ZNF541: variants seen among roughly 807,000 people sequenced by gnomAD.
The protein encoded by ZNF541 is zinc finger protein 541.
In ZNF541, 23 loss-of-function variants were observed where a neutral mutation model predicts 123.5. The observed-to-expected ratio is 0.19, with a 90% confidence interval of 0.13 to 0.26. The LOEUF is 0.26. ZNF541 is among the 10% of genes least tolerant of loss of function. The pLI, the probability that ZNF541 is intolerant of heterozygous loss-of-function variation, is 1.00. For missense variants in ZNF541, 1,612 were observed against 1,789.9 expected (o/e 0.90, Z 1.79); for synonymous variants, 751 against 754.5 (o/e 1.00, Z 0.08).
intron 7 of ZNF541, 116 bp from the exon 8 acceptor site, chr19:47,539,994 C>G: frequency 6.9e-7 from 1 of 1,459,290 alleles, no homozygotes; most frequent in Non-Finnish European, 9.1e-7. Context: ...TGGCATGGAC[C>G]AAGCTGGAGA....
In ZNF541 at chr19:47,545,830, T is replaced by C; in HGVS notation, c.699A>G (p.Glu233=). ...LCILKEAPPE[E]EACGDSPHAH... is the part of the protein sequence containing the mutation. ...CGTGGGGGGAGTCCCCGCAGGCCTC[T>C]TCCTCCGGGGGGGCTTCCTTCAGGA... The change falls in exon 5 of 17, where the codon GAA becomes GAG. Residue 233 remains glutamate (E), a synonymous_variant. Coordinates refer to ENST00000391901, the MANE Select transcript of ZNF541 (RefSeq NM_001277075.3). This position sits in a 1 kb window ranked among gnomAD's most constrained non-coding sequence, Gnocchi z 7.5. 2 of 1,548,430 alleles carry C rather than the reference T, an allele frequency of 1.3e-6. No individual in the cohort carries two copies. Among genetic ancestry groups the C allele is most frequent in the Non-Finnish European group, 1.7e-6 (2 of 1,146,000 alleles).
chr19:47,545,843 G>T lies in ZNF541; in HGVS notation c.686C>A (p.Ala229Asp). Reference protein sequence around the residue: ...VHHGLCILKEAPPEEEACGDS... With the variant: ...VHHGLCILKEDPPEEEACGDS... Reference sequence around the variant, plus strand: ...CCCGCAGGCCTCTTCCTCCGGGGGGGCTTCCTTCAGGATGCACAGGCCGTG... The same window carrying T: ...CCCGCAGGCCTCTTCCTCCGGGGGGTCTTCCTTCAGGATGCACAGGCCGTG... The change falls in exon 5 of 17, where the codon GCC (alanine) becomes GAC (aspartate). Residue 229 changes from alanine to aspartate, a missense_variant. Ala to Asp is a moderately radical substitution (Grantham distance 126). Around this residue, in one of 5 missense-constraint regions of ZNF541, gnomAD observed 1,080 missense variants for 1,013.8 expected, o/e 1.07. Coordinates refer to ENST00000391901, the MANE Select transcript of ZNF541 (RefSeq NM_001277075.3). The surrounding 1 kb of genome is among the most constrained non-coding windows in gnomAD (Gnocchi z 7.5). 6.5e-7 allele frequency: 1 copy of T among 1,549,242 alleles called. No homozygotes were observed. Among genetic ancestry groups the T allele is most frequent in the Non-Finnish European group, 8.7e-7 (1 of 1,146,316 alleles).
At chr19:47,533,696 G>A (rs1969688132) in intron 9 of ZNF541, among the ~76,000 whole-genome samples, 1 of 151,874 alleles carries the variant, frequency 6.6e-6, no homozygotes, top group Non-Finnish European at 1.5e-5. Flanking sequence ...TACAAAAATT[G>A]GCTGGGCGTG....
At position 47,532,265 on chromosome 19, in the gene ZNF541, A is replaced by G; in HGVS notation, c.3164T>C (p.Ile1055Thr). 1 of 1,551,904 alleles carries G rather than the reference A, an allele frequency of 6.4e-7. No individual in the cohort carries two copies. Among genetic ancestry groups the G allele is most frequent in the Non-Finnish European group, 8.7e-7 (1 of 1,147,060 alleles). ...TGCCTGAAACCGGCTTCCTATATTG[A>G]TATGTCTGAAATGAGGCCACACACA... Reference protein sequence around the residue: ...DDTKISIEPHINIGSRFQAEI... With the variant: ...DDTKISIEPHTNIGSRFQAEI... Residue 1055 changes from isoleucine to threonine, a missense_variant, in exon 11 of 17, where the codon ATC becomes ACC. Around this residue, in one of 5 missense-constraint regions of ZNF541, gnomAD observed 285 missense variants for 407.3 expected, o/e 0.70. Coordinates refer to ENST00000391901, the MANE Select transcript of ZNF541 (RefSeq NM_001277075.3).
intron 9 of ZNF541, among the ~76,000 whole-genome samples, chr19:47,537,598 C>T (rs1356286700): frequency 6.9e-6 from 1 of 144,150 alleles, no homozygotes; most frequent in Non-Finnish European, 1.5e-5. Flanking sequence ...ATGACACAGA[C>T]TGGACAGGGT....
At chr19:47,547,635 G>A (rs1476519044) in intron 4 of ZNF541, among the ~76,000 whole-genome samples, 1 of 152,124 alleles carries the variant, frequency 6.6e-6, no homozygotes. Flanking sequence ...GTGTGGGTGA[G>A]AGGATAAGAT....
chr19:47,545,197 G>A lies in ZNF541; in HGVS notation c.1332C>T (p.Gly444=). 6.6e-7 allele frequency: 1 copy of A among 1,522,704 alleles called. No individual in the cohort carries two copies. The highest frequency in any genetic ancestry group is 8.8e-7 in the Non-Finnish European group (1 of 1,133,326). The allele number at this position is 1,522,704 out of a possible 1,614,324, so 94.3% of individuals were successfully genotyped here. A position where few individuals can be genotyped will look rare whatever the true frequency, so the allele number is the denominator to read the frequency against. The change falls in exon 5 of 17, where the codon GGC becomes GGT. Residue 444 remains glycine (G), a synonymous_variant. Coordinates refer to ENST00000391901, the MANE Select transcript of ZNF541 (RefSeq NM_001277075.3). The surrounding 1 kb of genome is among the most constrained non-coding windows in gnomAD (Gnocchi z 7.5). ...TGCTGGGTCCCGGGCCAGACTCGGA[G>A]CCCTCCCGCGAGGGCACGGCCGAGG... ...HKPSAVPSRE[G]SESGPGPSSG... is the part of the protein sequence containing the mutation.
Position 47,544,687 on chromosome 19 carries a change from G to A in ZNF541, c.1842C>T (p.Gly614=), listed in dbSNP as rs1970241388. 8 of 1,525,004 alleles carry A rather than the reference G, an allele frequency of 5.2e-6. No individual in the cohort carries two copies. The East Asian group carries it at 1.5e-4, about 28-fold the overall frequency. 94.5% of individuals were successfully genotyped at this position (1,525,004 alleles called of 1,614,324 possible). A position where few individuals can be genotyped will look rare whatever the true frequency, so the allele number is the denominator to read the frequency against. Residue 614 remains glycine, a synonymous_variant, in exon 5 of 17, where the codon GGC becomes GGT. Transcript: ENST00000391901. ...AGCCCTCTGCCTCGGGGTTTCCAGG[G>A]CCGGCGTGGAGAGAGTCCACAGCAG... ...LAPAVDSLHA[G]PGNPEAEGSP...
rs750567417 is a variant in ZNF541, at chr19:47,522,013, C to A, written c.3571-19G>T. ...TCTGGATCTAGTGAAAGAAAACAAG[C>A]AGGCTGTGGCTGTGCCACGCGGGCC... On this transcript the variant is annotated intron_variant, in intron 14 of 16. Transcript: ENST00000391901. The A allele has an allele frequency of 9.5e-5, 148 of 1,550,184 alleles. No homozygotes were observed. The highest frequency in any genetic ancestry group is 1.6e-4 in the Admixed American group (8 of 50,742).
chr19:47,543,324 A>C (rs1485546144), intron 5 of ZNF541, among the ~76,000 whole-genome samples: 1 of 151,840 alleles, frequency 6.6e-6, no homozygotes, highest in African/African-American at 2.4e-5. Context: ...TTGGACATGG[A>C]GTCAGGAGAC....
In ZNF541 at chr19:47,540,352, G is replaced by C. The variant is rs530538470; in HGVS notation, c.2463-17C>G. 6.5e-7 allele frequency: 1 copy of C among 1,545,438 alleles called. No homozygotes were observed. Among genetic ancestry groups the C allele is most frequent in the Non-Finnish European group, 8.7e-7 (1 of 1,143,366 alleles). The stretch of plus-strand genomic sequence containing the variant: ...TGCTGGTTACTGTGGGACATGGCAG[G>C]AAAGAAGAGTGGGAGATTAGGACTC... On this transcript the variant is annotated splice_polypyrimidine_tract_variant and intron_variant, in intron 6 of 16. Transcript: ENST00000391901.
intron 14 of ZNF541, among the ~76,000 whole-genome samples, chr19:47,522,658 T>C (rs1412442129): frequency 6.6e-6 from 1 of 151,662 alleles, no homozygotes; most frequent in African/African-American, 2.4e-5. Context: ...TAGCCAGTCA[T>C]GGTGGTGCAT....
At chr19:47,552,742 CAAAAAAAAAAAAA>C (rs573248609) in intron 3 of ZNF541, among the ~76,000 whole-genome samples, 3,985 of 26,218 alleles carry the variant, frequency 0.15, 342 homozygotes, top group African/African-American at 0.39. Context: ...GACTCCATCT[CAAAAAAAAAAAAA>C]AAAAAAAAAA....
In ZNF541 at chr19:47,545,266, G is replaced by T; in HGVS notation, c.1263C>A (p.Gly421=). The T allele has an allele frequency of 6.5e-7, 1 of 1,549,154 alleles. No individual in the cohort carries two copies. The highest frequency in any genetic ancestry group is 8.7e-7 in the Non-Finnish European group (1 of 1,146,742). The stretch of plus-strand genomic sequence containing the variant: ...CGTTGTTGCCTTTGCTTTTGGGACA[G>T]CCCGGCAGGTTCCGGAGCCACTGGA... ...HSFQWLRNLP[G]CPKSKGNNVF... is the part of the protein sequence containing the mutation. Residue 421 remains glycine, a synonymous_variant, in exon 5 of 17, where the codon GGC becomes GGA. Coordinates refer to ENST00000391901, the MANE Select transcript of ZNF541 (RefSeq NM_001277075.3). This position sits in a 1 kb window ranked among gnomAD's most constrained non-coding sequence, Gnocchi z 7.5.
Position 47,527,338 on chromosome 19 carries a change from AT to A in ZNF541, c.3570+1611del, listed in dbSNP as rs964189175. Among the ~76,000 whole-genome samples, 1,203 of 149,686 alleles carry A rather than the reference AT, an allele frequency of 8.0e-3. 11 individuals are homozygous for A. Among genetic ancestry groups the A allele is most frequent in the African/African-American group, 0.028 (1,137 of 40,968 alleles). On this transcript the variant is annotated intron_variant, in intron 14 of 16. Transcript: ENST00000391901. ...TTATGTGCAATTTTGTATACATCCA[AT>A]TTTTTTTTTAGAACAGAAAATAAGC...
At chr19:47,560,576 CAAAAA>C (rs77981071) in intron 2 of ZNF541, among the ~76,000 whole-genome samples, 1 of 53,792 alleles carries the variant, frequency 1.9e-5, no homozygotes, top group African/African-American at 6.4e-5. Flanking sequence ...AACTCTGTCC[CAAAAA>C]AAAAAAAAAA....
chr19:47,540,879 G>C lies in ZNF541; in HGVS notation c.2462+14C>G. ...TGCCAGGGTGCATGCAGGATCGGGG[G>C]CTTCTTAACTTACCCTCTGCCTGCC... On this transcript the variant is annotated intron_variant, in intron 6 of 16. Transcript: ENST00000391901. 5 of 1,550,940 alleles carry C rather than the reference G, an allele frequency of 3.2e-6. No individual in the cohort carries two copies. Among genetic ancestry groups the C allele is most frequent in the Non-Finnish European group, 4.4e-6 (5 of 1,146,708 alleles).
At chr19:47,524,368 G>A (rs1015183088) in intron 14 of ZNF541, among the ~76,000 whole-genome samples, 2 of 152,072 alleles carry the variant, frequency 1.3e-5, no homozygotes, top group African/African-American at 4.8e-5. Flanking sequence ...GAATGAGCAG[G>A]GAAGGACATG....
chr19:47,544,818 C>A lies in ZNF541; in HGVS notation c.1711G>T (p.Ala571Ser). Residue 571 changes from alanine to serine, a missense_variant, in exon 5 of 17, where the codon GCC becomes TCC. Transcript: ENST00000391901. The part of the protein sequence containing the change: ...ITKSQRIFSH[A>S]QVAAVSSQLP... ...TGGGAGGAGACTGCTGCCACCTGGG[C>A]ATGGGAGAAGATCCGCTGGGACTTG... The A allele has an allele frequency of 3.3e-6, 5 of 1,532,742 alleles. No homozygotes were observed. Among genetic ancestry groups the A allele is most frequent in the Middle Eastern group, 1.7e-4 (1 of 5,974 alleles). 94.9% of individuals were successfully genotyped at this position (1,532,742 alleles called of 1,614,324 possible). A position where few individuals can be genotyped will look rare whatever the true frequency, so the allele number is the denominator to read the frequency against.
Sources: allele counts gnomAD v4.1 joint callset (sites outside exome capture counted in the v4.1 genomes callset), GRCh38; gene constraint gnomAD v4.1.1; regional missense constraint gnomAD v4.1.1; non-coding constraint Gnocchi (gnomAD v3.1); transcripts MANE v1.5; gene names NCBI Gene and HGNC (gene_info 2026-07-23, HGNC 2026-07-21).